CHRNA7: variants seen among roughly 807,000 people sequenced by gnomAD.
CHRNA7 encodes cholinergic receptor nicotinic alpha 7 subunit, also known as neuronal acetylcholine receptor subunit alpha-7.
In CHRNA7, 17 loss-of-function variants were observed where a neutral mutation model predicts 48.0. The observed-to-expected ratio is 0.35, with a 90% CI of 0.24 to 0.53. The LOEUF (loss-of-function observed/expected upper bound fraction) is 0.53. CHRNA7 is among the 20% of genes least tolerant of loss of function. CHRNA7 has a pLI of 0.92. For missense variants in CHRNA7, 155 were observed against 577.7 expected, an observed-to-expected ratio of 0.27 and a Z score of 7.50; for synonymous variants, 75 against 242.3, an observed-to-expected ratio of 0.31 and a Z score of 6.41.
chr15:32,129,510 G>A (rs1482566879), intron 4 of CHRNA7, among the ~76,000 whole-genome samples: 3 of 151,866 alleles, frequency 2.0e-5, no homozygotes, highest in Admixed American at 2.0e-4. Flanking sequence ...AGGAATTGGT[G>A]CATTTCATTT....
At chr15:32,114,019 A>AATATATATATATATAT (rs57220454) in intron 4 of CHRNA7, among the ~76,000 whole-genome samples, 2 of 109,164 alleles carry the variant, frequency 1.8e-5, no homozygotes, top group Non-Finnish European at 3.6e-5. Flanking sequence ...GCTATCTCCA[A>AATATATATATATATAT]ATATATATAT....
intron 2 of CHRNA7, chr15:32,099,335 C>T (rs766331319): frequency 1.3e-5 from 2 of 152,240 alleles, no homozygotes; most frequent in Non-Finnish European, 2.9e-5. Context: ...CATGGTTCCT[C>T]ATGCCCTCCT....
chr15:32,141,834 G>A (rs1490498267), intron 4 of CHRNA7, among the ~76,000 whole-genome samples: 2 of 150,390 alleles, frequency 1.3e-5, no homozygotes, highest in East Asian at 4.1e-4. Context: ...AGACAATGGG[G>A]TTTTCTAAAT....
chr15:32,069,178 A>G (rs1249463484), intron 2 of CHRNA7, among the ~76,000 whole-genome samples: 4 of 152,222 alleles, frequency 2.6e-5, no homozygotes, highest in East Asian at 1.9e-4. Flanking sequence ...TGAAAAGACA[A>G]CTCACAGAAT....
chr15:32,109,147 G>C (rs920270393), intron 3 of CHRNA7, among the ~76,000 whole-genome samples: 7 of 152,206 alleles, frequency 4.6e-5, no homozygotes, highest in African/African-American at 1.7e-4. Flanking sequence ...GAAGGCTGCT[G>C]GTTGCCCATT....
At chr15:32,033,699 C>T (rs914239741) in intron 2 of CHRNA7, among the ~76,000 whole-genome samples, 1 of 152,226 alleles carries the variant, frequency 6.6e-6, no homozygotes, top group Non-Finnish European at 1.5e-5. Flanking sequence ...TCTCAGCGCT[C>T]TGGACAGAGA....
At chr15:32,048,051 T>G (rs2049587629) in intron 2 of CHRNA7, among the ~76,000 whole-genome samples, 1 of 152,216 alleles carries the variant, frequency 6.6e-6, no homozygotes, top group African/African-American at 2.4e-5. Flanking sequence ...AGCTTTTTGA[T>G]GTGCTGCTGG....
At chr15:32,050,419 T>G (rs1285911652) in intron 2 of CHRNA7, among the ~76,000 whole-genome samples, 1 of 152,248 alleles carries the variant, frequency 6.6e-6, no homozygotes, top group East Asian at 1.9e-4. Context: ...CTGATACCCA[T>G]TCTTCCAGTT....
chr15:32,109,842 C>T (rs935847512), intron 3 of CHRNA7, among the ~76,000 whole-genome samples: 7 of 152,148 alleles, frequency 4.6e-5, no homozygotes, highest in African/African-American at 1.4e-4. Context: ...AGGGGATGAG[C>T]CCGTGGTTTA....
At chr15:32,144,858 G>A (rs563216760) in intron 4 of CHRNA7, among the ~76,000 whole-genome samples, 20 of 152,210 alleles carry the variant, frequency 1.3e-4, no homozygotes, top group African/African-American at 4.8e-4. Context: ...CAATGGGTTC[G>A]AACATGCTCC....
At chr15:32,068,016 T>TA (rs376246566) in intron 2 of CHRNA7, among the ~76,000 whole-genome samples, 1 of 152,152 alleles carries the variant, frequency 6.6e-6, no homozygotes, top group African/African-American at 2.4e-5. Flanking sequence ...ACCTAAGACA[T>TA]ATAGAAAATA....
chr15:32,131,170 T>A (rs2051149833), intron 4 of CHRNA7, among the ~76,000 whole-genome samples: 1 of 152,174 alleles, frequency 6.6e-6, no homozygotes. Context: ...TTTTTTTGTA[T>A]TTATCTGGTT....
chr15:32,087,443 G>T (rs1367268029), intron 2 of CHRNA7, among the ~76,000 whole-genome samples: 1 of 152,040 alleles, frequency 6.6e-6, no homozygotes, highest in Non-Finnish European at 1.5e-5. Context: ...TCCTTGTATT[G>T]GTGAATGATT....
intron 2 of CHRNA7, among the ~76,000 whole-genome samples, chr15:32,088,014 G>C (rs573919644): frequency 6.6e-6 from 1 of 152,068 alleles, no homozygotes; most frequent in Non-Finnish European, 1.5e-5. Flanking sequence ...TATGAGTTTT[G>C]ACAATGCTTA....
At chr15:32,048,514 T>G (rs1294745313) in intron 2 of CHRNA7, among the ~76,000 whole-genome samples, 1 of 152,232 alleles carries the variant, frequency 6.6e-6, no homozygotes, top group African/African-American at 2.4e-5. Flanking sequence ...TTGGTGGTCA[T>G]ATCCCCTTTA....
intron 2 of CHRNA7, among the ~76,000 whole-genome samples, chr15:32,037,187 ATCT>A (rs1902133544): frequency 6.6e-6 from 1 of 152,170 alleles, no homozygotes; most frequent in Non-Finnish European, 1.5e-5. Flanking sequence ...TGAAAAGATG[ATCT>A]TTGCTCCATT....
chr15:32,070,479 A>G (rs1274381624), intron 2 of CHRNA7, among the ~76,000 whole-genome samples: 1 of 152,036 alleles, frequency 6.6e-6, no homozygotes, highest in Non-Finnish European at 1.5e-5. Flanking sequence ...TAATTTTCAT[A>G]CAGTCTAATT....
At chr15:32,089,058 A>G (rs560384121) in intron 2 of CHRNA7, among the ~76,000 whole-genome samples, 9 of 152,172 alleles carry the variant, frequency 5.9e-5, no homozygotes, top group Non-Finnish European at 1.0e-4. Flanking sequence ...TATATTTTAC[A>G]TCTAGGCTTA....
At chr15:32,043,227 C>A (rs1389471725) in intron 2 of CHRNA7, among the ~76,000 whole-genome samples, 1 of 95,668 alleles carries the variant, frequency 1.0e-5, no homozygotes, top group Non-Finnish European at 2.1e-5. Context: ...ATCTATATTC[C>A]TTTTGTAATT....
Sources: allele counts gnomAD v4.1 joint callset (sites outside exome capture counted in the v4.1 genomes callset), GRCh38; gene constraint gnomAD v4.1.1; transcripts MANE v1.5; gene names NCBI Gene and HGNC (gene_info 2026-07-23, HGNC 2026-07-21).